NMS: variants seen among roughly 807,000 people sequenced by gnomAD.
NMS encodes the protein neuromedin-S.
Under a neutral mutation model 32.2 loss-of-function variants are expected in NMS, and 30 were observed. That is an observed-to-expected ratio of 0.93 (90% CI 0.70 to 1.26). NMS has a LOEUF of 1.26. NMS is among the 50% of genes most tolerant of loss of function. NMS has a pLI of 0.00. For synonymous variants in NMS, 76 were observed against 58.5 expected, an observed-to-expected ratio of 1.30 and a Z score of -1.37; for missense variants, 190 against 186.3, an observed-to-expected ratio of 1.02 and a Z score of -0.12.
In NMS at chr2:100,474,297, C is replaced by T. The variant is rs185443839; in HGVS notation, c.183+758C>T. 3.3e-5 allele frequency among the ~76,000 whole-genome samples: 5 copies of T among 152,236 alleles called. No individual in the cohort carries two copies. The East Asian group carries it at 9.6e-4, about 29-fold the overall frequency. ...AGCCCATGATGCCTAGGATAGCCTC[C>T]ATAATTTCACCTTGAGCCACATCTC... On this transcript the variant is annotated intron_variant, in intron 3 of 9. Coordinates refer to ENST00000376865, the MANE Select transcript of NMS (RefSeq NM_001011717.1).
chr2:100,480,442 G>A, intron 6 of NMS, 54 bp from the exon 7 acceptor site: 1 of 1,587,258 alleles, frequency 6.3e-7, no homozygotes, highest in Non-Finnish European at 8.6e-7. Context: ...CAAGACAACT[G>A]CAAGGTCATG....
At chr2:100,481,902 G>T (rs1489299672) in intron 8 of NMS, among the ~76,000 whole-genome samples, 2 of 152,164 alleles carry the variant, frequency 1.3e-5, no homozygotes, top group African/African-American at 4.8e-5. Context: ...ACTCCCATGG[G>T]TCTGTATGAC....
chr2:100,482,360 AT>A, intron 9 of NMS, 49 bp downstream of exon 9: 1 of 1,560,636 alleles, frequency 6.4e-7, no homozygotes, highest in Non-Finnish European at 8.8e-7. Flanking sequence ...TTTCAAGCAA[AT>A]TTTATGTGTC....
intron 4 of NMS, 42 bp downstream of exon 4, chr2:100,477,309 T>A: frequency 1.9e-6 from 3 of 1,611,126 alleles, no homozygotes; most frequent in Non-Finnish European, 2.5e-6. Context: ...GCAGCTTCCA[T>A]GTTTAGAGCA....
At chr2:100,478,105 G>T (rs1466192253) in intron 5 of NMS, among the ~76,000 whole-genome samples, 1 of 152,098 alleles carries the variant, frequency 6.6e-6, no homozygotes, top group Admixed American at 6.5e-5. Flanking sequence ...GGGATTACAG[G>T]CATGCGCCAC....
chr2:100,481,166 G>A lies in NMS; in HGVS notation c.413G>A (p.Arg138Lys), dbSNP rs1223539810. 6.2e-7 allele frequency: 1 copy of A among 1,614,062 alleles called. No homozygotes were observed. Among genetic ancestry groups the A allele is most frequent in the Non-Finnish European group, 8.5e-7 (1 of 1,179,932 alleles). The change falls in exon 8 of 10, where the codon AGG becomes AAG. Residue 138 changes from arginine (R) to lysine (K), a missense_variant and splice_region_variant. Physicochemically the swap from Arg to Lys is conservative, Grantham distance 26. Transcript: ENST00000376865. ...TGGGGACGACCCTTTTTCCTTTTCAGGGTATAGCATGTTTTCTCACCTTTG... is the reference window on the plus strand; with the variant it reads ...TGGGGACGACCCTTTTTCCTTTTCAAGGTATAGCATGTTTTCTCACCTTTG... ...ATWGRPFFLF[R>K]PRNGRNIEDE... is the part of the protein sequence containing the mutation.
intron 5 of NMS, among the ~76,000 whole-genome samples, chr2:100,478,241 C>T (rs772699597): frequency 5.3e-5 from 8 of 152,068 alleles, no homozygotes; most frequent in African/African-American, 9.7e-5. Context: ...GGATTACAGG[C>T]GTGAGCCACC....
chr2:100,481,039 CATT>C (rs1677206830), intron 7 of NMS, 84 bp from the exon 8 acceptor site: 5 of 1,349,280 alleles, frequency 3.7e-6, no homozygotes, highest in Non-Finnish European at 5.3e-6. Flanking sequence ...TGGGACCACC[CATT>C]TTGAAAACTG....
chr2:100,482,202 G>A, intron 8 of NMS, 75 bp from the exon 9 acceptor site: 9 of 1,414,366 alleles, frequency 6.4e-6, no homozygotes, highest in Non-Finnish European at 9.0e-6. Flanking sequence ...GTTCAACAGA[G>A]AGAAGAGCGG....
At chr2:100,478,184 ACTC>A (rs1460135056) in intron 5 of NMS, among the ~76,000 whole-genome samples, 1 of 151,482 alleles carries the variant, frequency 6.6e-6, no homozygotes, top group African/African-American at 2.4e-5. Flanking sequence ...CTGGTCTAAA[ACTC>A]CTGACCTCAG....
At chr2:100,481,960 C>T (rs563479869) in intron 8 of NMS, among the ~76,000 whole-genome samples, 3 of 152,316 alleles carry the variant, frequency 2.0e-5, no homozygotes, top group South Asian at 2.1e-4. Context: ...ATCTCCTTGA[C>T]GTCTCCAGAC....
chr2:100,480,462 C>T, intron 6 of NMS, 34 bp from the exon 7 acceptor site: 1 of 1,610,900 alleles, frequency 6.2e-7, no homozygotes, highest in Non-Finnish European at 8.5e-7. Flanking sequence ...GATGTGGTTC[C>T]TGTTGAATTA....
At chr2:100,480,662 C>G (rs1465801359) in intron 7 of NMS, 131 bp downstream of exon 7, 18 of 846,876 alleles carry the variant, frequency 2.1e-5, no homozygotes, top group Non-Finnish European at 3.2e-5. Flanking sequence ...CCAAAGGACC[C>G]TGAGAATCTT....
At chr2:100,470,881 T>C (rs1475126874) in intron 1 of NMS, among the ~76,000 whole-genome samples, 1 of 152,244 alleles carries the variant, frequency 6.6e-6, no homozygotes, top group African/African-American at 2.4e-5. Flanking sequence ...ATCCCACTTG[T>C]AGCCATTTCT....
chr2:100,473,002 T>C (rs1162137538), intron 2 of NMS, 152 bp downstream of exon 2: 53 of 515,964 alleles, frequency 1.0e-4, no homozygotes, highest in Non-Finnish European at 8.4e-5. Context: ...ATTTAAGGCA[T>C]CCTGAGGGTT....
chr2:100,472,041 G>T (rs1677014322), intron 1 of NMS, among the ~76,000 whole-genome samples: 1 of 152,174 alleles, frequency 6.6e-6, no homozygotes, highest in Non-Finnish European at 1.5e-5. Context: ...TCTTGGCTCA[G>T]AGAGAACGCA....
intron 5 of NMS, among the ~76,000 whole-genome samples, chr2:100,478,664 A>G (rs1677158495): frequency 6.6e-6 from 1 of 152,206 alleles, no homozygotes; most frequent in Non-Finnish European, 1.5e-5. Context: ...GGGTTTCACC[A>G]TGTTGGCCAA....
At chr2:100,478,963 G>C (rs1677163026) in intron 5 of NMS, among the ~76,000 whole-genome samples, 1 of 152,204 alleles carries the variant, frequency 6.6e-6, no homozygotes, top group South Asian at 2.1e-4. Context: ...GAAGTGCTTG[G>C]GGAGGGTTAC....
Position 100,481,158 on chromosome 2 carries a change from C to T in NMS, c.405C>T (p.Phe135=), listed in dbSNP as rs1558670004. The T allele has an allele frequency of 2.5e-6, 4 of 1,614,052 alleles. No individual in the cohort carries two copies. The highest frequency in any genetic ancestry group is 3.4e-6 in the Non-Finnish European group (4 of 1,179,938). ...CTGCGACCTGGGGACGACCCTTTTTCCTTTTCAGGGTATAGCATGTTTTCT... is the reference window on the plus strand; with the variant it reads ...CTGCGACCTGGGGACGACCCTTTTTTCTTTTCAGGGTATAGCATGTTTTCT... ...DHTATWGRPF[F]LFRPRNGRNI... is the part of the protein sequence containing the mutation. The change falls in exon 8 of 10, where the codon TTC becomes TTT. Residue 135 remains phenylalanine, a synonymous_variant. Coordinates refer to ENST00000376865, the MANE Select transcript of NMS (RefSeq NM_001011717.1).
Sources: gnomAD v4.1 joint callset for allele counts (sites outside exome capture counted in the v4.1 genomes callset) on GRCh38, gnomAD v4.1.1 for gene constraint, MANE v1.5 for transcripts, NCBI Gene and HGNC (gene_info 2026-07-23, HGNC 2026-07-21) for gene names.